The following ATAT1 variants were observed in gnomAD, a reference collection of about 807,000 sequenced individuals.
ATAT1 encodes alpha tubulin acetyltransferase 1.
A neutral mutation model predicts 57.2 loss-of-function variants in ATAT1; 42 were observed. The observed-to-expected ratio is 0.73, with a 90% CI of 0.57 to 0.95. The LOEUF (loss-of-function observed/expected upper bound fraction) is 0.95, where lower values mean the gene tolerates loss of function less well. Among genes scored for constraint, ATAT1 ranks in the 40% least tolerant of loss-of-function variants. The pLI, the probability that ATAT1 is intolerant of heterozygous loss-of-function variation, is 0.00. For synonymous variants in ATAT1, 168 were observed against 187.1 expected (o/e 0.90, Z 0.83); for missense variants, 454 against 523.7 (o/e 0.87, Z 1.30).
intron 6 of ATAT1, among the ~76,000 whole-genome samples, chr6:30,638,683 C>T (rs1156495174): frequency 1.3e-5 from 2 of 151,428 alleles, no homozygotes; most frequent in Non-Finnish European, 2.9e-5. Context: ...CTCTTAATGG[C>T]TACACTATTT....
intron 12 of ATAT1, 31 bp downstream of exon 12, chr6:30,646,140 C>G: frequency 6.3e-7 from 1 of 1,599,200 alleles, no homozygotes; most frequent in Non-Finnish European, 8.5e-7. Context: ...CTAACAGCCT[C>G]CCACCACCAT....
Position 30,642,834 on chromosome 6 carries a change from C to CG in ATAT1, c.755_756insG (p.His253ProfsTer47). 2.6e-5 allele frequency: 11 copies of CG among 415,850 alleles called. No individual in the cohort carries two copies. Among genetic ancestry groups the CG allele is most frequent in the South Asian group, 6.7e-5 (3 of 45,034 alleles). 25.8% of individuals were successfully genotyped at this position (415,850 alleles called of 1,614,324 possible). A position where few individuals can be genotyped will look rare whatever the true frequency, so the allele number is the denominator to read the frequency against. On this transcript the variant is annotated frameshift_variant, in exon 10 of 13. Transcript: ENST00000330083. LOFTEE classifies it high-confidence loss of function. ...GCCCCTCGCCGCGCCACACCTCCAG[C>CG]CCACCCACCCCCCCGCTCCAGCAGC...
At chr6:30,636,723 C>T (rs931301355) in intron 6 of ATAT1, among the ~76,000 whole-genome samples, 1 of 151,996 alleles carries the variant, frequency 6.6e-6, no homozygotes, top group Non-Finnish European at 1.5e-5. Context: ...ACAACAAGGT[C>T]AAGGCAAGGG....
rs752449821 is a variant in ATAT1 at position 30,642,240 on chromosome 6, C to T, written c.681C>T (p.Asp227=). Residue 227 remains aspartate (D), a synonymous_variant, in exon 9 of 13, where the codon GAC becomes GAT. Coordinates refer to ENST00000330083, the MANE Select transcript of ATAT1 (RefSeq NM_001031722.4). ...ACATCAAGCCATACTCCTCTAGTGA[C>T]CGAGAATGTAAGAGGGGCAAGGGTC... is the stretch of plus-strand genomic sequence containing the variant. 1.2e-6 allele frequency: 2 copies of T among 1,613,982 alleles called. No individual in the cohort carries two copies. The highest frequency in any genetic ancestry group is 1.3e-5 in the African/African-American group (1 of 74,892).
intron 10 of ATAT1, chr6:30,643,932 G>T: frequency 9.0e-7 from 1 of 1,109,220 alleles, no homozygotes; most frequent in Non-Finnish European, 1.1e-6. Flanking sequence ...TCCTGTGCCA[G>T]GGAAACTTTT....
intron 8 of ATAT1, 51 bp from the exon 9 acceptor site, chr6:30,642,125 G>A (rs750649837): frequency 3.7e-6 from 6 of 1,612,524 alleles, no homozygotes; most frequent in East Asian, 2.2e-5. Flanking sequence ...GAGGAGGGGT[G>A]CAAAGTATGT....
chr6:30,644,142 A>G, intron 10 of ATAT1: 15 of 985,994 alleles, frequency 1.5e-5, no homozygotes, highest in Non-Finnish European at 1.6e-5. Flanking sequence ...ACCATTGCCA[A>G]ACTCTTCATT....
intron 6 of ATAT1, among the ~76,000 whole-genome samples, chr6:30,632,156 G>A (rs1239282436): frequency 2.7e-5 from 4 of 150,928 alleles, no homozygotes; most frequent in Non-Finnish European, 5.9e-5. Flanking sequence ...AATCCCAGCT[G>A]TTTGGGAGTC....
At chr6:30,634,384 G>A (rs1307759377) in intron 6 of ATAT1, among the ~76,000 whole-genome samples, 1 of 151,766 alleles carries the variant, frequency 6.6e-6, no homozygotes, top group Non-Finnish European at 1.5e-5. Context: ...CTGAGTAGCT[G>A]GGATTACAGG....
At chr6:30,640,134 C>A (rs2127538498) in intron 6 of ATAT1, among the ~76,000 whole-genome samples, 1 of 149,980 alleles carries the variant, frequency 6.7e-6, no homozygotes, top group South Asian at 2.1e-4. Context: ...CGAGACTCTG[C>A]CTCTCAAAAA....
At chr6:30,633,658 C>A in intron 6 of ATAT1, 1 of 201,620 alleles carries the variant, frequency 5.0e-6, no homozygotes. Context: ...TGGACACAAG[C>A]TCCGTGATCA....
chr6:30,626,894 C>T lies in ATAT1; in HGVS notation c.-310C>T, dbSNP rs753114944. ...ACCGCGCACAATGGGCCATGGAGTT[C>T]CCGTTCGATGTGGACGCGCTGTTCC... On this transcript the variant is annotated 5_prime_UTR_variant, in exon 1 of 13. Transcript: ENST00000330083. 1 of 1,607,542 alleles carries T rather than the reference C, an allele frequency of 6.2e-7. No individual in the cohort carries two copies. Among genetic ancestry groups the T allele is most frequent in the Non-Finnish European group, 8.5e-7 (1 of 1,177,944 alleles).
In ATAT1 at chr6:30,646,752, G is replaced by C. The variant is rs1228310687; in HGVS notation, c.*109G>C. 1.5e-6 allele frequency: 2 copies of C among 1,367,140 alleles called. No individual in the cohort carries two copies. Among genetic ancestry groups the C allele is most frequent in the East Asian group, 2.7e-5 (1 of 37,328 alleles). The allele number at this position is 1,367,140 out of a possible 1,614,324, so 84.7% of individuals were successfully genotyped here. On this transcript the variant is annotated 3_prime_UTR_variant, in exon 13 of 13. Transcript: ENST00000330083. ...ATACATTCATTCATTCATTCATTCA[G>C]CAGGCTTATCAGATTCAAGTCATTT... is the stretch of plus-strand genomic sequence containing the variant.
Position 30,631,566 on chromosome 6 carries a change from C to A in ATAT1, c.501+3136C>A, listed in dbSNP as rs146125305. On this transcript the variant is annotated intron_variant, in intron 6 of 12. Coordinates refer to ENST00000330083, the MANE Select transcript of ATAT1 (RefSeq NM_001031722.4). ...GGCCGAGGTGGGTGGATCACTTGAGCCCAGGAGTTCGAGACTAGCCTAGGC... is the reference window on the plus strand; with the variant it reads ...GGCCGAGGTGGGTGGATCACTTGAGACCAGGAGTTCGAGACTAGCCTAGGC... Among the ~76,000 whole-genome samples the A allele has an allele frequency of 4.5e-4, 68 of 149,856 alleles. 1 individual carries two copies. In the East Asian group the frequency reaches 0.013, roughly 29 times the overall value.
At chr6:30,627,556 C>A in intron 2 of ATAT1, 36 bp downstream of exon 2, 14 of 1,606,896 alleles carry the variant, frequency 8.7e-6, no homozygotes, top group Non-Finnish European at 1.1e-5. Context: ...AAAGGGAGGA[C>A]CTCTGTGGGG....
At position 30,646,115 on chromosome 6, in the gene ATAT1, G is replaced by A. The variant is rs759758068; in HGVS notation, c.1055+6G>A. On this transcript the variant is annotated splice_donor_region_variant and intron_variant, in intron 12 of 12. Transcript: ENST00000330083. ...GAACAGGAAACAAAGAATAGGTGAG[G>A]TCTAAACCCCTCCCCTAACAGCCTC... The A allele has an allele frequency of 6.2e-7, 1 of 1,607,008 alleles. No homozygotes were observed. The highest frequency in any genetic ancestry group is 8.5e-7 in the Non-Finnish European group (1 of 1,176,664).
At chr6:30,641,880 C>A in intron 8 of ATAT1, 1 of 1,227,840 alleles carries the variant, frequency 8.1e-7, no homozygotes, top group Non-Finnish European at 1.0e-6. Flanking sequence ...AGTAAGAGCT[C>A]ACTTCCCTTG....
intron 6 of ATAT1, among the ~76,000 whole-genome samples, chr6:30,639,670 G>C (rs1016063385): frequency 6.6e-6 from 1 of 151,562 alleles, no homozygotes; most frequent in Non-Finnish European, 1.5e-5. Context: ...GTAGAGATGG[G>C]GTTTCACCAT....
intron 7 of ATAT1, 41 bp from the exon 8 acceptor site, chr6:30,640,494 C>G: frequency 1.2e-6 from 2 of 1,612,228 alleles, no homozygotes; most frequent in Non-Finnish European, 1.7e-6. Context: ...TTGGTCCTGC[C>G]GACCCCTCAC....
Sources: allele counts gnomAD v4.1 joint callset (sites outside exome capture counted in the v4.1 genomes callset), GRCh38; gene constraint gnomAD v4.1.1; transcripts MANE v1.5; gene names NCBI Gene and HGNC (gene_info 2026-07-23, HGNC 2026-07-21).